Variants in STK32B observed in about 807,000 individuals in gnomAD.
The protein encoded by STK32B is serine/threonine-protein kinase 32B.
In STK32B, 43 loss-of-function variants were observed where a neutral mutation model predicts 52.6. That is an observed-to-expected ratio of 0.82 (90% CI 0.64 to 1.05). The LOEUF is 1.05. Among genes scored for constraint, STK32B ranks in the 50% least tolerant of loss-of-function variants. The pLI, the probability that STK32B is intolerant of heterozygous loss-of-function variation, is 0.00. For synonymous variants in STK32B, 238 were observed against 204.3 expected (o/e 1.17, Z -1.41); for missense variants, 621 against 534.6 (o/e 1.16, Z -1.59).
At chr4:5,291,265 G>A (rs952726152) in intron 3 of STK32B, among the ~76,000 whole-genome samples, 7 of 151,900 alleles carry the variant, frequency 4.6e-5, no homozygotes, top group East Asian at 1.9e-4. Flanking sequence ...CAAGAGTATC[G>A]CATTCCTAAT....
chr4:5,054,313 C>G (rs1166541629), intron 1 of STK32B, among the ~76,000 whole-genome samples: 1 of 152,004 alleles, frequency 6.6e-6, no homozygotes. Flanking sequence ...TGAGCTCAGG[C>G]GACTGATATC....
intron 1 of STK32B, among the ~76,000 whole-genome samples, chr4:5,122,273 T>C (rs867724544): frequency 6.6e-6 from 1 of 151,800 alleles, no homozygotes; most frequent in Admixed American, 6.6e-5. Flanking sequence ...CATTCATTCA[T>C]TCACTCACCC....
intron 11 of STK32B, 142 bp downstream of exon 11, chr4:5,468,212 G>A: frequency 3.8e-6 from 3 of 781,694 alleles, no homozygotes; most frequent in Non-Finnish European, 6.4e-6. Flanking sequence ...ACAGGGCTCT[G>A]GTGGGGGGTG....
At chr4:5,143,560 T>C (rs1382910991) in intron 2 of STK32B, among the ~76,000 whole-genome samples, 1 of 152,170 alleles carries the variant, frequency 6.6e-6, no homozygotes, top group Non-Finnish European at 1.5e-5. Context: ...TTCCCTTGTA[T>C]GGTGAGAGGA....
chr4:5,484,952 C>T (rs7680075), intron 11 of STK32B, among the ~76,000 whole-genome samples: 3,603 of 152,204 alleles, frequency 0.024, 133 homozygotes, highest in African/African-American at 0.08. Flanking sequence ...TTCTGCCTAG[C>T]GATCAGCTGT....
In STK32B at chr4:5,308,122, C is replaced by T. The variant is rs145766625; in HGVS notation, c.261-23098C>T. On this transcript the variant is annotated intron_variant, in intron 3 of 11. Coordinates refer to ENST00000282908, the MANE Select transcript of STK32B (RefSeq NM_018401.3). ...TGTTTAGCCTCCAGCCAGGAGGTGT[C>T]GCTTTCAAGAGTGCATCAGCTGTGA... is the stretch of plus-strand genomic sequence containing the variant. 2.8e-3 allele frequency among the ~76,000 whole-genome samples: 426 copies of T among 152,206 alleles called. 1 individual carries two copies. The highest frequency in any genetic ancestry group is 8.8e-3 in the African/African-American group (367 of 41,544).
chr4:5,260,511 G>T (rs1381382698), intron 3 of STK32B, among the ~76,000 whole-genome samples: 3 of 152,174 alleles, frequency 2.0e-5, no homozygotes, highest in African/African-American at 7.2e-5. Context: ...AATGACCGGG[G>T]AGGCTTCCTG....
chr4:5,262,386 G>A (rs1726767914), intron 3 of STK32B, among the ~76,000 whole-genome samples: 1 of 152,060 alleles, frequency 6.6e-6, no homozygotes, highest in Admixed American at 6.5e-5. Flanking sequence ...CAGCACTTTG[G>A]GAGGCCGAGG....
chr4:5,296,110 T>G (rs1488613660), intron 3 of STK32B, among the ~76,000 whole-genome samples: 1 of 152,210 alleles, frequency 6.6e-6, no homozygotes, highest in Non-Finnish European at 1.5e-5. Flanking sequence ...CTAATTTGAT[T>G]GCACTGTGGT....
intron 4 of STK32B, among the ~76,000 whole-genome samples, chr4:5,343,154 G>C (rs1453828529): frequency 1.4e-5 from 2 of 139,058 alleles, no homozygotes; most frequent in African/African-American, 5.4e-5. Flanking sequence ...CTGTGTCCGT[G>C]TGTTCTCATT....
At chr4:5,071,905 C>T (rs1711803892) in intron 1 of STK32B, among the ~76,000 whole-genome samples, 1 of 152,072 alleles carries the variant, frequency 6.6e-6, no homozygotes, top group African/African-American at 2.4e-5. Flanking sequence ...AATTGAGAAA[C>T]ATTTTTCTTT....
At chr4:5,487,042 T>G (rs1397308702) in intron 11 of STK32B, among the ~76,000 whole-genome samples, 1 of 152,158 alleles carries the variant, frequency 6.6e-6, no homozygotes, top group African/African-American at 2.4e-5. Context: ...ATATGATCAG[T>G]TTTTACAAGT....
At chr4:5,424,279 C>T (rs931473230) in intron 6 of STK32B, among the ~76,000 whole-genome samples, 14 of 152,144 alleles carry the variant, frequency 9.2e-5, no homozygotes, top group Admixed American at 2.6e-4. Context: ...GCCTGGCCCC[C>T]ATGAACAGTG....
intron 2 of STK32B, among the ~76,000 whole-genome samples, chr4:5,152,313 G>C (rs1312357007): frequency 1.3e-5 from 2 of 152,208 alleles, no homozygotes; most frequent in South Asian, 2.1e-4. Context: ...AAATTTTGCA[G>C]ATGCAGGCTT....
At chr4:5,123,391 C>T (rs1053022347) in intron 1 of STK32B, among the ~76,000 whole-genome samples, 9 of 152,290 alleles carry the variant, frequency 5.9e-5, no homozygotes, top group Admixed American at 1.3e-4. Context: ...GTCCATAACC[C>T]GGGGTCCTGA....
intron 1 of STK32B, among the ~76,000 whole-genome samples, chr4:5,098,092 C>T (rs971206879): frequency 2.6e-5 from 4 of 152,308 alleles, no homozygotes; most frequent in East Asian, 3.9e-4. Flanking sequence ...AAACATCACT[C>T]GCATTATATT....
intron 3 of STK32B, among the ~76,000 whole-genome samples, chr4:5,219,542 C>T (rs1280995293): frequency 1.3e-5 from 2 of 152,252 alleles, no homozygotes; most frequent in African/African-American, 4.8e-5. Context: ...AGGTTGAGAA[C>T]TTCACCAGGG....
At chr4:5,100,710 C>CT (rs1481664497) in intron 1 of STK32B, among the ~76,000 whole-genome samples, 1 of 39,348 alleles carries the variant, frequency 2.5e-5, no homozygotes, top group Non-Finnish European at 4.5e-5. Flanking sequence ...TCCTTCCTTT[C>CT]TTCCTTCCCT....
At chr4:5,067,690 C>T (rs140455210) in intron 1 of STK32B, among the ~76,000 whole-genome samples, 2 of 152,086 alleles carry the variant, frequency 1.3e-5, no homozygotes, top group East Asian at 3.9e-4. Context: ...TCCATTCTCA[C>T]ACTACTATAA....
Sources: allele counts gnomAD v4.1 joint callset (sites outside exome capture counted in the v4.1 genomes callset), GRCh38; gene constraint gnomAD v4.1.1; transcripts MANE v1.5; gene names NCBI Gene and HGNC (gene_info 2026-07-23, HGNC 2026-07-21).